ANKAR: variants seen among roughly 807,000 people sequenced by gnomAD.
ANKAR encodes the protein ankyrin and armadillo repeat containing.
Under a neutral mutation model 146.2 loss-of-function variants are expected in ANKAR, and 136 were observed. The ratio of observed to expected loss-of-function variants is 0.93; its 90% confidence interval spans 0.81 to 1.07. The LOEUF is 1.07. ANKAR is among the 50% of genes least tolerant of loss of function. The pLI is 0.00. For missense variants in ANKAR, 1,567 were observed against 1,679.9 expected (o/e 0.93, Z 1.18); for synonymous variants, 500 against 575.8 (o/e 0.87, Z 1.88).
In ANKAR at chr2:189,676,705, T is replaced by C. The variant is rs1251898447; in HGVS notation, c.215T>C (p.Met72Thr). 1 of 1,614,220 alleles carries C rather than the reference T, an allele frequency of 6.2e-7. No homozygotes were observed. The highest frequency in any genetic ancestry group is 8.5e-7 in the Non-Finnish European group (1 of 1,180,038). ...CAAGTAGACCTCCCATGTGGAATTATGAGTCAAATGAATAACGTAGGCTTC... is the reference window on the plus strand; with the variant it reads ...CAAGTAGACCTCCCATGTGGAATTACGAGTCAAATGAATAACGTAGGCTTC... ...RSQVDLPCGI[M>T]SQMNNVGFST... The change falls in exon 2 of 23, where the codon ATG (methionine) becomes ACG (threonine). Residue 72 changes from methionine to threonine, a missense_variant. Physicochemically the swap from Met to Thr is moderately conservative, Grantham distance 81 (BLOSUM62 -1). Coordinates refer to ENST00000684021, the MANE Select transcript of ANKAR (RefSeq NM_001378068.1).
intron 18 of ANKAR, among the ~76,000 whole-genome samples, chr2:189,760,416 C>T (rs1319130026): frequency 2.0e-5 from 3 of 152,070 alleles, no homozygotes. Flanking sequence ...GGCTGCTGGG[C>T]GGGGGCGCCC....
intron 18 of ANKAR, chr2:189,753,780 T>A: frequency 2.1e-6 from 2 of 949,314 alleles, no homozygotes; most frequent in Non-Finnish European, 3.1e-6. Context: ...GTCTTTCCTA[T>A]CCTGCATAAT....
chr2:189,719,760 G>C lies in ANKAR; in HGVS notation c.2413G>C (p.Val805Leu). 1 of 1,612,842 alleles carries C rather than the reference G, an allele frequency of 6.2e-7. No individual in the cohort carries two copies. Residue 805 changes from valine to leucine, a missense_variant, in exon 11 of 23, where the codon GTC becomes CTC. Transcript: ENST00000684021. ...DEPEVHSRCA[V>L]ILYDIAQCEN... is the part of the protein sequence containing the mutation. ...GCCTGAAGTACACTCTCGCTGTGCT[G>C]TCATTCTATATGATATTGCTCAATG...
intron 7 of ANKAR, among the ~76,000 whole-genome samples, chr2:189,701,683 C>T (rs75430831): frequency 0.026 from 4,005 of 152,254 alleles, 90 homozygotes; most frequent in Non-Finnish European, 0.038. Context: ...CTTAGGATTT[C>T]CATCTCTCTG....
chr2:189,721,687 G>A (rs560719310), intron 12 of ANKAR, among the ~76,000 whole-genome samples: 1 of 152,284 alleles, frequency 6.6e-6, no homozygotes, highest in African/African-American at 2.4e-5. Flanking sequence ...ATTCCAGTTA[G>A]CACATTTAAC....
intron 12 of ANKAR, among the ~76,000 whole-genome samples, chr2:189,725,249 ATG>A (rs1339517072): frequency 9.3e-5 from 14 of 150,390 alleles, no homozygotes; most frequent in Non-Finnish European, 1.0e-4. Context: ...ATACATATAT[ATG>A]TATACATATT....
chr2:189,720,191 G>C (rs1004829144), intron 11 of ANKAR, among the ~76,000 whole-genome samples: 1 of 151,918 alleles, frequency 6.6e-6, no homozygotes, highest in South Asian at 2.1e-4. Context: ...ATTTGTTTGT[G>C]GCACTCATTC....
rs771699778 is a variant in ANKAR at position 189,696,232 on chromosome 2, C to A, written c.1571C>A (p.Ser524Ter). ...FHTFSRKTSSSTINVSDEAGY... is the reference protein window; with the variant it reads ...FHTFSRKTSS ...ACATTTAGCCGTAAAACCTCAAGCT[C>A]AACAATCAATGTTTCAGATGAAGCA... Residue 524 changes from serine to a stop codon, truncating the protein, a stop_gained, in exon 7 of 23, where the codon TCA (serine) becomes TAA (stop). Coordinates refer to ENST00000684021, the MANE Select transcript of ANKAR (RefSeq NM_001378068.1). LOFTEE classifies it high-confidence loss of function. 3 of 1,614,096 alleles carry A rather than the reference C, an allele frequency of 1.9e-6. No homozygotes were observed. Among genetic ancestry groups the A allele is most frequent in the East Asian group, 4.5e-5 (2 of 44,876 alleles).
At chr2:189,757,619 A>G (rs2046274728) in intron 18 of ANKAR, among the ~76,000 whole-genome samples, 1 of 152,232 alleles carries the variant, frequency 6.6e-6, no homozygotes, top group Non-Finnish European at 1.5e-5. Context: ...ACAGTATCAA[A>G]TGTAGTAAAT....
At chr2:189,753,890 T>C (rs1274713529) in intron 18 of ANKAR, 1 of 1,609,022 alleles carries the variant, frequency 6.2e-7, no homozygotes. Flanking sequence ...AGTGTAACTA[T>C]TACTATAAAA....
chr2:189,760,293 C>T (rs1257239714), intron 18 of ANKAR, among the ~76,000 whole-genome samples: 2 of 152,178 alleles, frequency 1.3e-5, no homozygotes, highest in Non-Finnish European at 2.9e-5. Context: ...GACGGGGTGG[C>T]AGCCGGGCAG....
chr2:189,762,375 T>A (rs1176677913), downstream of ANKAR, among the ~76,000 whole-genome samples: 1 of 152,178 alleles, frequency 6.6e-6, no homozygotes, highest in African/African-American at 2.4e-5. Context: ...AGGGCCTTTC[T>A]CCACCACACT....
intron 8 of ANKAR, among the ~76,000 whole-genome samples, chr2:189,706,623 G>A (rs1474592402): frequency 6.6e-6 from 1 of 152,146 alleles, no homozygotes; most frequent in Non-Finnish European, 1.5e-5. Context: ...TATTTGCCTT[G>A]CTTTTTCCTT....
intron 7 of ANKAR, among the ~76,000 whole-genome samples, chr2:189,697,542 G>A (rs1407676686): frequency 6.6e-6 from 1 of 152,038 alleles, no homozygotes; most frequent in Non-Finnish European, 1.5e-5. Flanking sequence ...TGATTAAAAT[G>A]TTTTGATATT....
downstream of ANKAR, among the ~76,000 whole-genome samples, chr2:189,762,126 TTAACA>T (rs370109222): frequency 1.9e-3 from 281 of 151,808 alleles, no homozygotes; most frequent in African/African-American, 6.3e-3. Flanking sequence ...AAAACAAGAG[TTAACA>T]TAAACACACA....
chr2:189,744,142 G>T (rs1180395254), intron 21 of ANKAR, among the ~76,000 whole-genome samples: 2 of 152,168 alleles, frequency 1.3e-5, no homozygotes, highest in Admixed American at 1.3e-4. Context: ...TAACGGAAGA[G>T]AATAGGATCC....
chr2:189,712,430 T>C (rs913547714), intron 10 of ANKAR, among the ~76,000 whole-genome samples: 10 of 152,218 alleles, frequency 6.6e-5, no homozygotes, highest in Admixed American at 6.5e-4. Flanking sequence ...TTTGCTGTTC[T>C]GCAATTTTTG....
Position 189,707,028 on chromosome 2 carries a change from A to G in ANKAR, c.2001A>G (p.Lys667=). Residue 667 remains lysine (K), a synonymous_variant, in exon 9 of 23, where the codon AAA becomes AAG. Transcript: ENST00000684021. ...TTTCTATCGGTGCTAACTGGAGAAA[A>G]ACAGATATTAAAGGAAATAATATAA... ...YLFSIGANWR[K]TDIKGNNIIH... 1 of 1,613,680 alleles carries G rather than the reference A, an allele frequency of 6.2e-7. No homozygotes were observed.
chr2:189,692,719 A>G, intron 4 of ANKAR: 1 of 276,896 alleles, frequency 3.6e-6, no homozygotes, highest in South Asian at 7.1e-5. Flanking sequence ...CAAAGAGTGC[A>G]GTAGAAATCT....
Sources: gnomAD v4.1 joint callset for allele counts (sites outside exome capture counted in the v4.1 genomes callset) on GRCh38, gnomAD v4.1.1 for gene constraint, MANE v1.5 for transcripts, NCBI Gene and HGNC (gene_info 2026-07-23, HGNC 2026-07-21) for gene names.